The following SVEP1 variants were observed in gnomAD, a reference collection of about 807,000 sequenced individuals.
SVEP1 encodes sushi, von Willebrand factor type A, EGF and pentraxin domain-containing protein 1.
SVEP1 carries 164 observed loss-of-function variants against 367.3 expected under a neutral mutation model. That is an observed-to-expected ratio of 0.45 (90% CI 0.39 to 0.51). The LOEUF (loss-of-function observed/expected upper bound fraction) is 0.51. Among genes scored for constraint, SVEP1 ranks in the 20% least tolerant of loss-of-function variants. SVEP1 has a pLI of 0.00. For synonymous variants in SVEP1, 1,666 were observed against 1,611.6 expected (o/e 1.03, Z -0.81); for missense variants, 4,117 against 4,425.3 (o/e 0.93, Z 1.98).
At chr9:110,367,223 A>G (rs995841912) in intron 47 of SVEP1, among the ~76,000 whole-genome samples, 13 of 152,194 alleles carry the variant, frequency 8.5e-5, no homozygotes, top group Admixed American at 8.5e-4. Flanking sequence ...GCAGTGGCAC[A>G]ATCTTGGCTC....
chr9:110,414,998 A>G (rs1298417208), intron 36 of SVEP1, among the ~76,000 whole-genome samples: 1 of 152,092 alleles, frequency 6.6e-6, no homozygotes, highest in Non-Finnish European at 1.5e-5. Context: ...ACCAAGGAGT[A>G]TAAACATGAG....
Position 110,435,241 on chromosome 9 carries a change from C to T in SVEP1, c.4888G>A (p.Asp1630Asn). 6.2e-7 allele frequency: 1 copy of T among 1,612,460 alleles called. No individual in the cohort carries two copies. The highest frequency in any genetic ancestry group is 8.5e-7 in the Non-Finnish European group (1 of 1,178,904). The change falls in exon 29 of 48, where the codon GAT becomes AAT. Residue 1630 changes from aspartate to asparagine, a missense_variant and splice_region_variant. This residue lies in a region of SVEP1 where 2,174 missense variants were observed against 2,494.3 expected (regional missense o/e 0.87). Transcript: ENST00000374469. ...GTCTATGAAAGAAGGAAATTCTCAC[C>T]AGAACAAAATATGCTCTTAGAATCG... is the stretch of plus-strand genomic sequence containing the variant. ...KIDSKSIFCS[D>N]CPRLGGSVPH...
chr9:110,535,392 C>A (rs1462556557), intron 3 of SVEP1, among the ~76,000 whole-genome samples: 2 of 152,092 alleles, frequency 1.3e-5, no homozygotes, highest in East Asian at 3.8e-4. Context: ...GTTTTTGTAC[C>A]AGTACCATGC....
chr9:110,510,151 T>C (rs1829685321), intron 5 of SVEP1, among the ~76,000 whole-genome samples: 1 of 152,226 alleles, frequency 6.6e-6, no homozygotes, highest in African/African-American at 2.4e-5. Context: ...GGTGGCCCCA[T>C]GTTCATTGCA....
chr9:110,527,237 A>T (rs1022983475), intron 3 of SVEP1, among the ~76,000 whole-genome samples: 1 of 152,082 alleles, frequency 6.6e-6, no homozygotes, highest in Non-Finnish European at 1.5e-5. Flanking sequence ...GGATCTCTGT[A>T]TATTACTTCT....
At chr9:110,568,016 A>G (rs1211805952) in intron 1 of SVEP1, among the ~76,000 whole-genome samples, 1 of 152,190 alleles carries the variant, frequency 6.6e-6, no homozygotes, top group African/African-American at 2.4e-5. Context: ...TAAGGCCTGA[A>G]TTCTACACTG....
At chr9:110,492,113 C>A (rs574209557) in intron 8 of SVEP1, among the ~76,000 whole-genome samples, 10 of 152,156 alleles carry the variant, frequency 6.6e-5, no homozygotes, top group Admixed American at 6.5e-5. Context: ...AATAAATATA[C>A]CACCTGTATA....
At chr9:110,390,263 GTA>G (rs1224334905) in intron 40 of SVEP1, among the ~76,000 whole-genome samples, 10 of 60,158 alleles carry the variant, frequency 1.7e-4, no homozygotes, top group Admixed American at 6.4e-4. Context: ...ATATAAGTAT[GTA>G]TATATATACT....
At chr9:110,458,650 C>T in intron 19 of SVEP1, 88 bp from the exon 20 acceptor site, 2 of 1,308,720 alleles carry the variant, frequency 1.5e-6, no homozygotes, top group South Asian at 2.7e-5. Context: ...TTCTGGTTGT[C>T]AGAGTGGGTA....
intron 13 of SVEP1, among the ~76,000 whole-genome samples, chr9:110,478,493 G>C (rs1349343001): frequency 6.6e-6 from 1 of 152,150 alleles, no homozygotes; most frequent in Non-Finnish European, 1.5e-5. Flanking sequence ...GTGTCTGATA[G>C]ACACTGAGTC....
At chr9:110,497,016 T>C (rs568426599) in intron 7 of SVEP1, 83 bp from the exon 8 acceptor site, 1 of 860,048 alleles carries the variant, frequency 1.2e-6, no homozygotes, top group South Asian at 1.9e-5. Flanking sequence ...AATCTAGTTA[T>C]ATTAATACAC....
rs1183915486 is a variant in SVEP1 at position 110,465,903 on chromosome 9, G to T, written c.3284C>A (p.Thr1095Asn). The change falls in exon 18 of 48, where the codon ACT becomes AAT. Residue 1095 changes from threonine to asparagine, a missense_variant. This residue lies in a region of SVEP1 where 2,174 missense variants were observed against 2,494.3 expected (regional missense o/e 0.87). Transcript: ENST00000374469. Reference sequence around the variant, plus strand: ...AATGTTCACGGCTCCTCTTTTCACAGTTGAGGTGTTTTCTGGACACGAGAG... The same window carrying T: ...AATGTTCACGGCTCCTCTTTTCACATTTGAGGTGTTTTCTGGACACGAGAG... Reference protein sequence around the residue: ...SCLSCPENTSTVKRGAVNISA... With the variant: ...SCLSCPENTSNVKRGAVNISA... 1.2e-6 allele frequency: 2 copies of T among 1,613,032 alleles called. No homozygotes were observed. The highest frequency in any genetic ancestry group is 1.1e-5 in the South Asian group (1 of 90,836).
Position 110,579,584 on chromosome 9 carries a change from G to T in SVEP1, c.-41C>A. ...GCGGCTGCCCCGGAGCGCAGGCGGC[G>T]GCTCGGGCGGGAAGAGGCGCTGGGC... On this transcript the variant is annotated 5_prime_UTR_variant, in exon 1 of 48. Transcript: ENST00000374469. The surrounding 1 kb of genome is among the most constrained non-coding windows in gnomAD (Gnocchi z 5.3). 1 of 1,523,018 alleles carries T rather than the reference G, an allele frequency of 6.6e-7. No homozygotes were observed. Among genetic ancestry groups the T allele is most frequent in the South Asian group, 1.2e-5 (1 of 80,084 alleles). 94.3% of individuals were successfully genotyped at this position (1,523,018 alleles called of 1,614,324 possible). A position where few individuals can be genotyped will look rare whatever the true frequency, so the allele number is the denominator to read the frequency against.
At chr9:110,485,543 T>C (rs1043436272) in intron 9 of SVEP1, among the ~76,000 whole-genome samples, 3 of 152,162 alleles carry the variant, frequency 2.0e-5, no homozygotes, top group Non-Finnish European at 4.4e-5. Flanking sequence ...CATTTACCTA[T>C]GTAACAAACT....
At position 110,408,636 on chromosome 9, in the gene SVEP1, T is replaced by C; in HGVS notation, c.6964A>G (p.Lys2322Glu). Residue 2322 changes from lysine to glutamate, a missense_variant, in exon 38 of 48, where the codon AAG becomes GAG. Physicochemically the swap from Lys to Glu is moderately conservative, Grantham distance 56. Transcript: ENST00000374469. ...TCCAAGAGGGGCGGCTCTGGGCACTTGGCAGGCATGCACTTTGGATTTGAC... is the reference window on the plus strand; with the variant it reads ...TCCAAGAGGGGCGGCTCTGGGCACTCGGCAGGCATGCACTTTGGATTTGAC... Reference protein sequence around the residue: ...KKSNPKCMPAKCPEPPLLENQ... With the variant: ...KKSNPKCMPAECPEPPLLENQ... 3 of 1,614,020 alleles carry C rather than the reference T, an allele frequency of 1.9e-6. No homozygotes were observed. The highest frequency in any genetic ancestry group is 2.5e-6 in the Non-Finnish European group (3 of 1,179,906).
Position 110,465,929 on chromosome 9 carries a change from G to A in SVEP1, c.3258C>T (p.Cys1086=), listed in dbSNP as rs1239522127. ...TYQPKFGSRS[C]LSCPENTSTV... is the part of the protein sequence containing the mutation. ...TTGAGGTGTTTTCTGGACACGAGAG[G>A]CAGCTCCGGGAACCAAATTTTGGCT... Residue 1086 remains cysteine, a synonymous_variant, in exon 18 of 48, where the codon TGC becomes TGT. Transcript: ENST00000374469. The A allele has an allele frequency of 6.2e-7, 1 of 1,612,952 alleles. No homozygotes were observed. Among genetic ancestry groups the A allele is most frequent in the Non-Finnish European group, 8.5e-7 (1 of 1,179,460 alleles).
At chr9:110,460,521 G>A (rs1300092109) in intron 18 of SVEP1, among the ~76,000 whole-genome samples, 2 of 152,202 alleles carry the variant, frequency 1.3e-5, no homozygotes, top group Non-Finnish European at 2.9e-5. Flanking sequence ...GGGAAGCTGA[G>A]GTGGGCGAAT....
At chr9:110,535,782 A>G (rs1171203350) in intron 3 of SVEP1, among the ~76,000 whole-genome samples, 1 of 151,612 alleles carries the variant, frequency 6.6e-6, no homozygotes, top group Non-Finnish European at 1.5e-5. Context: ...TGTGAATGAA[A>G]TTACATTCCT....
intron 43 of SVEP1, among the ~76,000 whole-genome samples, chr9:110,385,001 G>A (rs1399612649): frequency 6.6e-6 from 1 of 152,164 alleles, no homozygotes; most frequent in African/African-American, 2.4e-5. Flanking sequence ...TTTTTGAGAT[G>A]TAGTCTTGCT....
Sources: allele counts gnomAD v4.1 joint callset (sites outside exome capture counted in the v4.1 genomes callset), GRCh38; gene constraint gnomAD v4.1.1; regional missense constraint gnomAD v4.1.1; non-coding constraint Gnocchi (gnomAD v3.1); transcripts MANE v1.5; gene names NCBI Gene and HGNC (gene_info 2026-07-23, HGNC 2026-07-21).